Variants in LRRC37A observed in about 807,000 individuals in gnomAD.
The protein encoded by LRRC37A is leucine rich repeat containing 37A.
A neutral mutation model predicts 35.4 loss-of-function variants in LRRC37A; 3 were observed. That is an observed-to-expected ratio of 0.08 (90% confidence interval 0.04 to 0.22). The LOEUF (loss-of-function observed/expected upper bound fraction) is 0.22, where lower values mean the gene tolerates loss of function less well. Ranked by LOEUF, LRRC37A falls within the 10% of genes least tolerant of loss-of-function variation. The probability of loss-of-function intolerance (pLI) is 1.00; values close to 1 mark genes in which losing one functional copy is unlikely to be tolerated. For missense variants in LRRC37A, 67 were observed against 565.3 expected (o/e 0.12, Z 8.94); for synonymous variants, 23 against 215.0 (o/e 0.11, Z 7.81).
At chr17:46,264,493 A>G in the LRRC37A span, among the ~76,000 whole-genome samples, 1 of 152,220 alleles carries the variant, frequency 6.6e-6, no homozygotes, top group African/African-American at 2.4e-5. Flanking sequence ...TCTGGTTTAT[A>G]TTACCAAGCA....
chr17:46,283,226 A>G, the LRRC37A span, among the ~76,000 whole-genome samples: 2 of 152,252 alleles, frequency 1.3e-5, no homozygotes, highest in Non-Finnish European at 2.9e-5. Flanking sequence ...AGCCTTGCTA[A>G]AAGTATTCTA....
chr17:46,256,776 A>T, the LRRC37A span, among the ~76,000 whole-genome samples: 2 of 152,234 alleles, frequency 1.3e-5, no homozygotes, highest in African/African-American at 4.8e-5. Flanking sequence ...ATGGAAAAGT[A>T]GAGCAACCCA....
chr17:46,260,424 G>T, the LRRC37A span: 5 of 1,546,940 alleles, frequency 3.2e-6, no homozygotes, highest in Non-Finnish European at 4.4e-6. Context: ...ACTTCCTGAG[G>T]CAGCCGCCCG....
chr17:46,267,019 G>A, the LRRC37A span: 27,290 of 180,750 alleles, frequency 0.15, 133 homozygotes, highest in Middle Eastern at 0.23. Flanking sequence ...CGCCGCCCGC[G>A]CCGCCGCCGC....
At chr17:46,274,060 C>T in the LRRC37A span, among the ~76,000 whole-genome samples, 18 of 152,302 alleles carry the variant, frequency 1.2e-4, no homozygotes, top group African/African-American at 3.4e-4. Flanking sequence ...AATGATAAAA[C>T]GAGGGGCCAC....
the LRRC37A span, among the ~76,000 whole-genome samples, chr17:46,278,654 G>A: frequency 1.3e-5 from 2 of 151,998 alleles, no homozygotes; most frequent in Admixed American, 6.6e-5. Flanking sequence ...CACCCGCCTC[G>A]GCCTCCCAAA....
At chr17:46,280,289 G>A in the LRRC37A span, among the ~76,000 whole-genome samples, 11 of 152,128 alleles carry the variant, frequency 7.2e-5, no homozygotes, top group South Asian at 6.2e-4. Context: ...GCTTGAACGC[G>A]GGAAGCGGAG....
chr17:46,285,749 C>G, the LRRC37A span, among the ~76,000 whole-genome samples: 1 of 152,136 alleles, frequency 6.6e-6, no homozygotes. Context: ...TTTGTCAAGC[C>G]CTTCACTAGA....
chr17:46,283,528 G>A, the LRRC37A span, among the ~76,000 whole-genome samples: 1 of 152,254 alleles, frequency 6.6e-6, no homozygotes, highest in African/African-American at 2.4e-5. Flanking sequence ...TATATTAGGT[G>A]ATTTCTGCTC....
At chr17:46,265,469 T>TCCACC in the LRRC37A span, among the ~76,000 whole-genome samples, 1 of 150,362 alleles carries the variant, frequency 6.7e-6, no homozygotes. Context: ...CTCCTCTTCC[T>TCCACC]TCTTCTTCTT....
chr17:46,265,220 A>T, the LRRC37A span, among the ~76,000 whole-genome samples: 1 of 151,816 alleles, frequency 6.6e-6, no homozygotes, highest in African/African-American at 2.4e-5. Context: ...CTCTTCTTTG[A>T]TTTAATGCTC....
At chr17:46,256,900 T>C in the LRRC37A span, among the ~76,000 whole-genome samples, 11 of 152,226 alleles carry the variant, frequency 7.2e-5, no homozygotes, top group Non-Finnish European at 1.3e-4. Context: ...AAGGCGGCTA[T>C]GATTATCAAC....
the LRRC37A span, chr17:46,259,485 T>G: frequency 1.5e-5 from 24 of 1,570,492 alleles, no homozygotes; most frequent in Middle Eastern, 2.2e-4. Flanking sequence ...CCAGGTTTGC[T>G]GGGTTGGGGC....
the LRRC37A span, among the ~76,000 whole-genome samples, chr17:46,273,710 G>C: frequency 6.6e-6 from 1 of 152,232 alleles, no homozygotes; most frequent in Non-Finnish European, 1.5e-5. Context: ...GTAATACAAT[G>C]TGTAAGAACA....
chr17:46,262,797 A>AAAAAG, the LRRC37A span, among the ~76,000 whole-genome samples: 5 of 146,996 alleles, frequency 3.4e-5, no homozygotes, highest in Non-Finnish European at 6.3e-5. Flanking sequence ...GAAAAAAAAA[A>AAAAAG]AAAAGAAAAG....
At chr17:46,270,724 T>C in the LRRC37A span, among the ~76,000 whole-genome samples, 49 of 152,258 alleles carry the variant, frequency 3.2e-4, no homozygotes, top group East Asian at 9.1e-3. Context: ...CTGGCCAACA[T>C]AGCGAAACTC....
chr17:46,270,920 T>C, the LRRC37A span, among the ~76,000 whole-genome samples: 1 of 152,170 alleles, frequency 6.6e-6, no homozygotes. Flanking sequence ...AAAAAGTATA[T>C]CTATATGGCT....
At chr17:46,258,180 A>G in the LRRC37A span, among the ~76,000 whole-genome samples, 1 of 152,190 alleles carries the variant, frequency 6.6e-6, no homozygotes, top group Non-Finnish European at 1.5e-5. Flanking sequence ...CAGCCCAGGT[A>G]AGAGTTCAGT....
chr17:46,252,899 G>T, the LRRC37A span, among the ~76,000 whole-genome samples: 1 of 136,988 alleles, frequency 7.3e-6, no homozygotes, highest in Non-Finnish European at 1.7e-5. Flanking sequence ...TACACCTCCC[G>T]GACGGGGCGG....
Sources: gnomAD v4.1 joint callset for allele counts (sites outside exome capture counted in the v4.1 genomes callset) on GRCh38, gnomAD v4.1.1 for gene constraint, MANE v1.5 for transcripts, NCBI Gene and HGNC (gene_info 2026-07-23, HGNC 2026-07-21) for gene names.